The following PDE10A variants were observed in gnomAD, a reference collection of about 807,000 sequenced individuals.
PDE10A encodes the protein cAMP and cAMP-inhibited cGMP 3',5'-cyclic phosphodiesterase 10A.
A neutral mutation model predicts 97.7 loss-of-function variants in PDE10A; 39 were observed. The ratio of observed to expected loss-of-function variants is 0.40; its 90% confidence interval spans 0.31 to 0.52. The LOEUF is 0.52. Among genes scored for constraint, PDE10A ranks in the 20% least tolerant of loss-of-function variants. The probability of loss-of-function intolerance (pLI) is 0.56; values close to 1 mark genes in which losing one functional copy is unlikely to be tolerated. For missense variants in PDE10A, 731 were observed against 1,047.8 expected (o/e 0.70, Z 4.17); for synonymous variants, 371 against 376.8 (o/e 0.98, Z 0.18).
intron 1 of PDE10A, among the ~76,000 whole-genome samples, chr6:165,726,126 G>C (rs972984064): frequency 2.0e-5 from 3 of 152,198 alleles, no homozygotes; most frequent in African/African-American, 7.2e-5. Context: ...GAAAGGCAGA[G>C]AGTCGAGGAG....
intron 13 of PDE10A, 130 bp from the exon 14 acceptor site, chr6:165,396,589 C>G (rs188660247): frequency 1.0e-5 from 9 of 868,350 alleles, no homozygotes; most frequent in African/African-American, 1.7e-5. Flanking sequence ...TTATTATTAT[C>G]CGTATTTCCA....
chr6:165,783,140 C>G (rs929153766), intron 1 of PDE10A, among the ~76,000 whole-genome samples: 1 of 152,164 alleles, frequency 6.6e-6, no homozygotes, highest in African/African-American at 2.4e-5. Flanking sequence ...ATATTTTACT[C>G]AGTTTGTAAG....
At chr6:165,866,862 AAAG>A (rs1372247660) in intron 1 of PDE10A, among the ~76,000 whole-genome samples, 6 of 152,002 alleles carry the variant, frequency 3.9e-5, no homozygotes, top group African/African-American at 1.4e-4. Flanking sequence ...CAAAAATAAA[AAAG>A]AAGTAAAGTC....
chr6:165,687,138 A>C lies in PDE10A; in HGVS notation c.-614-143570T>G, dbSNP rs183187614. The stretch of plus-strand genomic sequence containing the variant: ...CCCTCGCCTTCGTTTCCATCCGCCC[A>C]CGCGGCCGCCTACACCCCCACTGCG... On this transcript the variant is annotated intron_variant, in intron 1 of 19. Coordinates refer to the PDE10A transcript ENST00000366882. 4.3e-3 allele frequency among the ~76,000 whole-genome samples: 662 copies of C among 152,250 alleles called. 4 individuals are homozygous for C. Among genetic ancestry groups the C allele is most frequent in the African/African-American group, 0.015 (631 of 41,550 alleles).
chr6:165,519,514 A>G (rs948570498), intron 2 of PDE10A, among the ~76,000 whole-genome samples: 6 of 151,828 alleles, frequency 4.0e-5, no homozygotes, highest in African/African-American at 1.5e-4. Context: ...TGAGCAGAGG[A>G]AAGATTGAAG....
At chr6:165,544,914 GCC>G (rs1295665325) in intron 1 of PDE10A, among the ~76,000 whole-genome samples, 1 of 151,860 alleles carries the variant, frequency 6.6e-6, no homozygotes, top group Non-Finnish European at 1.5e-5. Flanking sequence ...CTGCAAAAGA[GCC>G]CCAGTGGTGT....
In PDE10A at chr6:165,328,127, A is replaced by C. The variant is rs1045818709; in HGVS notation, c.*4898T>G. The C allele has an allele frequency of 1.3e-5, 2 of 152,204 alleles. No homozygotes were observed. The highest frequency in any genetic ancestry group is 1.3e-4 in the Admixed American group (2 of 15,278). The allele number at this position is 152,204 out of a possible 1,614,324, so 9.4% of individuals were successfully genotyped here. A position where few individuals can be genotyped will look rare whatever the true frequency, so the allele number is the denominator to read the frequency against. On this transcript the variant is annotated 3_prime_UTR_variant, in exon 22 of 22. Coordinates refer to ENST00000539869, the MANE Select transcript of PDE10A (RefSeq NM_001385079.1). ...TGTATAGAAACACCTTCTCTGGGTA[A>C]ATCTATTACACTCTGAACTTGCACA... is the stretch of plus-strand genomic sequence containing the variant.
chr6:165,574,084 CTG>C (rs1785185945), intron 1 of PDE10A, among the ~76,000 whole-genome samples: 1 of 152,190 alleles, frequency 6.6e-6, no homozygotes, highest in South Asian at 2.1e-4. Context: ...ACAAAACAAA[CTG>C]TTCAACATAT....
intron 16 of PDE10A, among the ~76,000 whole-genome samples, chr6:165,389,650 A>G (rs1785545813): frequency 6.6e-6 from 1 of 152,140 alleles, no homozygotes; most frequent in Admixed American, 6.5e-5. Context: ...TGACAAGTGG[A>G]GATTTTGTTT....
At chr6:165,944,440 T>C (rs752662550) in intron 1 of PDE10A, among the ~76,000 whole-genome samples, 1 of 152,218 alleles carries the variant, frequency 6.6e-6, no homozygotes, top group Non-Finnish European at 1.5e-5. Flanking sequence ...CCCCCAGGCA[T>C]GGGACACTCA....
chr6:165,383,923 G>C (rs1785088424), intron 17 of PDE10A, among the ~76,000 whole-genome samples: 1 of 152,030 alleles, frequency 6.6e-6, no homozygotes, highest in Non-Finnish European at 1.5e-5. Flanking sequence ...AAAGGGTGTG[G>C]GGTAATTACA....
rs139124262 is a variant in PDE10A, at chr6:165,611,691, G to A, written c.865+50256C>T. On this transcript the variant is annotated intron_variant, in intron 1 of 21. Transcript: ENST00000539869. ...ATTTTCATTTCCTTCAAAACACATA[G>A]GAAAATCCTTCATATACACAAATAC... 2.6e-3 allele frequency among the ~76,000 whole-genome samples: 402 copies of A among 152,274 alleles called. 3 individuals are homozygous for A. The highest frequency in any genetic ancestry group is 9.3e-3 in the African/African-American group (387 of 41,552).
chr6:165,757,693 G>A (rs921348851), intron 1 of PDE10A, among the ~76,000 whole-genome samples: 6 of 151,968 alleles, frequency 3.9e-5, no homozygotes, highest in East Asian at 3.9e-4. Flanking sequence ...TGATTTATAC[G>A]TCTATAGTAT....
chr6:165,387,520 A>C lies in PDE10A; in HGVS notation c.2610+778T>G, dbSNP rs1388062842. Among the ~76,000 whole-genome samples the C allele has an allele frequency of 2.6e-5, 4 of 152,216 alleles. No individual in the cohort carries two copies. The East Asian group carries it at 7.7e-4, about 29-fold the overall frequency. ...AGTGGCAAAAGCTTTTCTGCTTCGC[A>C]ACTTGCCTATGGCCAGTTACTGGCA... On this transcript the variant is annotated intron_variant, in intron 17 of 21. Transcript: ENST00000539869.
chr6:165,792,137 T>C lies in PDE10A; in HGVS notation c.-615+195392A>G, dbSNP rs1263058792. 2.0e-5 allele frequency among the ~76,000 whole-genome samples: 3 copies of C among 152,194 alleles called. No individual in the cohort carries two copies. In the East Asian group the frequency reaches 5.8e-4, roughly 29 times the overall value. On this transcript the variant is annotated intron_variant, in intron 1 of 19. Transcript: ENST00000366882. ...AGTCATGCACCCGCATTCCCACACC[T>C]GCTGCTTCTCGGGCCTGCAATGTTC... is the stretch of plus-strand genomic sequence containing the variant.
intron 1 of PDE10A, among the ~76,000 whole-genome samples, chr6:165,640,792 T>C (rs1789091597): frequency 6.6e-6 from 1 of 152,368 alleles, no homozygotes; most frequent in South Asian, 2.1e-4. Context: ...ATAAAATTAC[T>C]TATGAAAATG....
chr6:165,552,280 G>C (rs1784055821), intron 1 of PDE10A, among the ~76,000 whole-genome samples: 1 of 152,180 alleles, frequency 6.6e-6, no homozygotes, highest in South Asian at 2.1e-4. Flanking sequence ...GCTCTGGGCA[G>C]AAAAGGGGTT....
At chr6:165,731,136 G>A (rs1448455661) in intron 1 of PDE10A, among the ~76,000 whole-genome samples, 1 of 152,234 alleles carries the variant, frequency 6.6e-6, no homozygotes, top group African/African-American at 2.4e-5. Context: ...CAGAACTGCC[G>A]GAGCTCCCTG....
chr6:165,619,009 C>CTAGTA (rs1787865607), intron 1 of PDE10A, among the ~76,000 whole-genome samples: 2 of 135,708 alleles, frequency 1.5e-5, no homozygotes, highest in Non-Finnish European at 3.1e-5. Flanking sequence ...GTAGTGTAGT[C>CTAGTA]TAGTGTAGTC....
Sources: allele counts gnomAD v4.1 joint callset (sites outside exome capture counted in the v4.1 genomes callset), GRCh38; gene constraint gnomAD v4.1.1; transcripts MANE v1.5; gene names NCBI Gene and HGNC (gene_info 2026-07-23, HGNC 2026-07-21).